The following ARMH4 variants were observed in gnomAD, a reference collection of about 807,000 sequenced individuals.
ARMH4 encodes the protein armadillo-like helical domain-containing protein 4.
ARMH4 carries 49 observed loss-of-function variants against 61.9 expected under a neutral mutation model. The ratio of observed to expected loss-of-function variants is 0.79; its 90% CI spans 0.63 to 1.00. The LOEUF (loss-of-function observed/expected upper bound fraction) is 1.00, where lower values mean the gene tolerates loss of function less well. Among genes scored for constraint, ARMH4 ranks in the 50% least tolerant of loss-of-function variants. The probability of loss-of-function intolerance (pLI) is 0.00; values close to 1 mark genes in which losing one functional copy is unlikely to be tolerated. For missense variants in ARMH4, 934 were observed against 930.0 expected, an observed-to-expected ratio of 1.00 and a Z score of -0.06; for synonymous variants, 368 against 341.5, an observed-to-expected ratio of 1.08 and a Z score of -0.85.
rs573999504 is a variant in ARMH4, at chr14:58,082,187, C to T, written c.2089+14537G>A. Among the ~76,000 whole-genome samples, 89 of 152,314 alleles carry T rather than the reference C, an allele frequency of 5.8e-4. 2 individuals carry two copies. The South Asian group carries it at 0.017, about 29-fold the overall frequency. On this transcript the variant is annotated intron_variant, in intron 5 of 7. Transcript: ENST00000267485. ...TGAATCAGCAATACTCCCAAGAACA[C>T]TCTGGGTTTTCAAATTTATTTTTGA...
chr14:58,054,214 GC>G (rs1884241789), intron 5 of ARMH4, among the ~76,000 whole-genome samples: 1 of 152,188 alleles, frequency 6.6e-6, no homozygotes, highest in East Asian at 1.9e-4. Context: ...CTGTGACTCT[GC>G]CTGTGAAGTG....
chr14:58,080,212 C>T (rs1885175564), intron 5 of ARMH4, among the ~76,000 whole-genome samples: 1 of 151,990 alleles, frequency 6.6e-6, no homozygotes, highest in South Asian at 2.1e-4. Flanking sequence ...TCACCGCAAC[C>T]TCCACTTCCT....
intron 2 of ARMH4, 30 bp downstream of exon 2, chr14:58,137,960 A>G (rs1361608777): frequency 6.4e-7 from 1 of 1,565,776 alleles, no homozygotes; most frequent in Non-Finnish European, 8.6e-7. Flanking sequence ...AAATTAAACC[A>G]AAGTTTGTTT....
intron 5 of ARMH4, among the ~76,000 whole-genome samples, chr14:58,050,691 T>C (rs1884108271): frequency 6.6e-6 from 1 of 152,150 alleles, no homozygotes; most frequent in South Asian, 2.1e-4. Flanking sequence ...AACATTTATG[T>C]AAAATTTACC....
chr14:58,055,000 T>C (rs1046447888), intron 5 of ARMH4, among the ~76,000 whole-genome samples: 1 of 152,096 alleles, frequency 6.6e-6, no homozygotes, highest in Non-Finnish European at 1.5e-5. Context: ...GTTCAGACCA[T>C]GGAGTCACCC....
chr14:58,139,542 A>G, intron 1 of ARMH4, 128 bp from the exon 2 acceptor site: 1 of 620,322 alleles, frequency 1.6e-6, no homozygotes, highest in South Asian at 2.0e-5. Context: ...GTAGGAGAGG[A>G]CTGTTCTATT....
intron 5 of ARMH4, among the ~76,000 whole-genome samples, chr14:58,073,236 T>A (rs1884941892): frequency 6.6e-6 from 1 of 152,232 alleles, no homozygotes; most frequent in Non-Finnish European, 1.5e-5. Context: ...CCTAGAGTAG[T>A]ATAAGGAATC....
rs548293135 is a variant in ARMH4, at chr14:58,097,151, A to G, written c.1832-170T>C. ...AACTTTGCAGGATTATACACCCACC[A>G]TATGTCCTAGAGTTTAAACTTTCAA... is the stretch of plus-strand genomic sequence containing the variant. On this transcript the variant is annotated intron_variant, in intron 4 of 7. Transcript: ENST00000267485. Among the ~76,000 whole-genome samples, 27 of 152,306 alleles carry G rather than the reference A, an allele frequency of 1.8e-4. No homozygotes were observed. In the South Asian group the frequency reaches 5.2e-3, roughly 29 times the overall value.
chr14:58,038,890 T>G (rs1156709010), intron 5 of ARMH4, among the ~76,000 whole-genome samples: 1 of 152,214 alleles, frequency 6.6e-6, no homozygotes, highest in Non-Finnish European at 1.5e-5. Flanking sequence ...TTTTTACCCT[T>G]AGAGTTCATG....
intron 4 of ARMH4, among the ~76,000 whole-genome samples, chr14:58,113,828 ATTATAT>A (rs1273734718): frequency 4.6e-5 from 7 of 151,826 alleles, no homozygotes; most frequent in African/African-American, 1.7e-4. Flanking sequence ...ATATTTCTAA[ATTATAT>A]TTATATTTCT....
At chr14:58,087,728 G>A (rs905980673) in intron 5 of ARMH4, among the ~76,000 whole-genome samples, 9 of 152,126 alleles carry the variant, frequency 5.9e-5, no homozygotes, top group African/African-American at 1.9e-4. Flanking sequence ...ATCATTAAAT[G>A]TCAGTCTTCA....
At chr14:58,113,393 A>G (rs983801414) in intron 4 of ARMH4, among the ~76,000 whole-genome samples, 7 of 152,138 alleles carry the variant, frequency 4.6e-5, no homozygotes, top group Non-Finnish European at 5.9e-5. Flanking sequence ...GGTTATTTCA[A>G]GATTTTTGCT....
chr14:58,106,246 G>A lies in ARMH4; in HGVS notation c.1832-9265C>T, dbSNP rs1296684774. Among the ~76,000 whole-genome samples the A allele has an allele frequency of 2.6e-5, 4 of 152,186 alleles. No homozygotes were observed. In the South Asian group the frequency reaches 6.2e-4, roughly 24 times the overall value. On this transcript the variant is annotated intron_variant, in intron 4 of 7. Transcript: ENST00000267485. ...CATCCTTACCGAGATCAAGTCACTC[G>A]GGATTAATCTGATGCTCCTGCTAGC... is the stretch of plus-strand genomic sequence containing the variant.
intron 4 of ARMH4, among the ~76,000 whole-genome samples, chr14:58,114,879 G>A (rs1215517313): frequency 6.6e-6 from 1 of 152,130 alleles, no homozygotes; most frequent in Non-Finnish European, 1.5e-5. Context: ...TGGGATAGCT[G>A]GCTAGCCAAA....
rs1443037389 is a variant in ARMH4, at chr14:58,139,245, T to G, written c.114A>C (p.Ala38=). The change falls in exon 2 of 8, where the codon GCA becomes GCC. Residue 38 remains alanine, a synonymous_variant. Coordinates refer to ENST00000267485, the MANE Select transcript of ARMH4 (RefSeq NM_001001872.4). ...FPKIERRREI[A]HVHAEKGQSD... ...ACTGCCCTTTTTCCGCATGAACATG[T>G]GCTATCTCCCTCCTCCTTTCTATTT... The G allele has an allele frequency of 5.0e-6, 8 of 1,614,194 alleles. No individual in the cohort carries two copies. The highest frequency in any genetic ancestry group is 6.8e-6 in the Non-Finnish European group (8 of 1,180,036).
intron 5 of ARMH4, among the ~76,000 whole-genome samples, chr14:58,048,859 T>C (rs543351406): frequency 3.2e-4 from 48 of 152,274 alleles, no homozygotes; most frequent in East Asian, 3.9e-4. Context: ...AACTCTTTAT[T>C]TCATAAATGG....
At chr14:58,021,466 ACCT>A (rs371443430) in intron 5 of ARMH4, among the ~76,000 whole-genome samples, 56 of 151,702 alleles carry the variant, frequency 3.7e-4, no homozygotes, top group African/African-American at 1.1e-3. Context: ...AGTCCATTAA[ACCT>A]CTTTTTCTTT....
intron 5 of ARMH4, among the ~76,000 whole-genome samples, chr14:58,088,830 A>G (rs1413743033): frequency 6.6e-6 from 1 of 152,202 alleles, no homozygotes; most frequent in Admixed American, 6.6e-5. Flanking sequence ...ATGAAAGATC[A>G]TTAAAAGTAA....
chr14:58,113,896 G>T (rs183803722), intron 4 of ARMH4, among the ~76,000 whole-genome samples: 8 of 151,784 alleles, frequency 5.3e-5, no homozygotes, highest in Admixed American at 1.3e-4. Flanking sequence ...TTTTGATAGT[G>T]TTTTATTACC....
Sources: gnomAD v4.1 joint callset for allele counts (sites outside exome capture counted in the v4.1 genomes callset) on GRCh38, gnomAD v4.1.1 for gene constraint, MANE v1.5 for transcripts, NCBI Gene and HGNC (gene_info 2026-07-23, HGNC 2026-07-21) for gene names.